The following OR5D3 variants were observed in gnomAD, a reference collection of about 807,000 sequenced individuals.
OR5D3 encodes the protein olfactory receptor 5D3.
chr11:55,727,176 A>G, the OR5D3 span: 5 of 398,330 alleles, frequency 1.3e-5, no homozygotes, highest in Admixed American at 4.4e-5. Context: ...AATATTAATT[A>G]TTTATCCTTG....
the OR5D3 span, chr11:55,728,693 A>G: frequency 6.6e-6 from 1 of 152,110 alleles, no homozygotes; most frequent in Non-Finnish European, 1.5e-5. Flanking sequence ...ATAAAAATTC[A>G]ATAACTTTTT....
the OR5D3 span, chr11:55,727,911 C>T: frequency 6.6e-5 from 10 of 151,924 alleles, no homozygotes; most frequent in African/African-American, 1.9e-4. Context: ...AATATAACAA[C>T]CAGGATAATG....
At chr11:55,725,569 C>A in the OR5D3 span, among the ~76,000 whole-genome samples, 1 of 152,004 alleles carries the variant, frequency 6.6e-6, no homozygotes, top group East Asian at 1.9e-4. Context: ...TATTTTGTTG[C>A]AATAATCTTC....
At chr11:55,728,501 T>A in the OR5D3 span, 8 of 152,236 alleles carry the variant, frequency 5.3e-5, no homozygotes, top group African/African-American at 1.9e-4. Context: ...TTGAAATAAT[T>A]TGATTGCCTT....
At chr11:55,724,250 T>C in the OR5D3 span, among the ~76,000 whole-genome samples, 83 of 152,098 alleles carry the variant, frequency 5.5e-4, no homozygotes, top group South Asian at 9.7e-3. Context: ...GATTTTCTCA[T>C]TCGGCTCCCA....
chr11:55,727,231 TATG>T, the OR5D3 span: 1 of 397,098 alleles, frequency 2.5e-6, no homozygotes, highest in Non-Finnish European at 4.4e-6. Context: ...TGCATGAAAT[TATG>T]ATAACCCTCC....
chr11:55,725,021 T>C, the OR5D3 span, among the ~76,000 whole-genome samples: 1 of 152,040 alleles, frequency 6.6e-6, no homozygotes, highest in Non-Finnish European at 1.5e-5. Context: ...TTTTGTGGGT[T>C]CAGGAAACTG....
chr11:55,726,608 A>G, the OR5D3 span: 2 of 402,552 alleles, frequency 5.0e-6, no homozygotes, highest in Non-Finnish European at 8.8e-6. Flanking sequence ...CCTCTGCTTT[A>G]CACAGTTGCA....
At chr11:55,724,687 A>G in the OR5D3 span, among the ~76,000 whole-genome samples, 1,378 of 152,206 alleles carry the variant, frequency 9.1e-3, 36 homozygotes, top group African/African-American at 0.032. Context: ...AATAAAAAAC[A>G]TTTGGAATTG....
At chr11:55,724,786 G>A in the OR5D3 span, among the ~76,000 whole-genome samples, 1 of 151,992 alleles carries the variant, frequency 6.6e-6, no homozygotes, top group African/African-American at 2.4e-5. Context: ...GAGAGTGACT[G>A]GGAAATACAG....
the OR5D3 span, among the ~76,000 whole-genome samples, chr11:55,724,717 G>A: frequency 6.6e-6 from 1 of 152,038 alleles, no homozygotes. Flanking sequence ...TTGGCTCTCA[G>A]GTTAAAGTGA....
At chr11:55,728,835 G>T in the OR5D3 span, 2 of 151,988 alleles carry the variant, frequency 1.3e-5, no homozygotes, top group African/African-American at 2.4e-5. Flanking sequence ...TGTAGATAAT[G>T]AGTCATAATT....
the OR5D3 span, among the ~76,000 whole-genome samples, chr11:55,725,912 A>C: frequency 6.6e-6 from 1 of 152,112 alleles, no homozygotes; most frequent in Non-Finnish European, 1.5e-5. Flanking sequence ...ATGCAAACTT[A>C]GAGTGGCTCT....
chr11:55,725,794 T>C, the OR5D3 span, among the ~76,000 whole-genome samples: 2 of 152,146 alleles, frequency 1.3e-5, no homozygotes, highest in East Asian at 3.9e-4. Context: ...TACAATTTGT[T>C]AAGAGTTGTA....
At chr11:55,724,665 C>T in the OR5D3 span, among the ~76,000 whole-genome samples, 6 of 152,056 alleles carry the variant, frequency 3.9e-5, no homozygotes, top group South Asian at 1.0e-3. Context: ...ATGCAGTTTT[C>T]ATGCATTCAT....
At chr11:55,726,588 A>G in the OR5D3 span, 2 of 404,482 alleles carry the variant, frequency 4.9e-6, no homozygotes, top group South Asian at 2.5e-4. Flanking sequence ...GATTTGTGGC[A>G]GTGTGTAACC....
chr11:55,726,470 T>A, the OR5D3 span: 82 of 458,704 alleles, frequency 1.8e-4, no homozygotes, highest in Non-Finnish European at 2.5e-4. Context: ...GAGAACTTGG[T>A]TGTGGAAGAC....
the OR5D3 span, chr11:55,728,747 G>A: frequency 1.3e-5 from 2 of 149,708 alleles, no homozygotes; most frequent in South Asian, 4.4e-4. Flanking sequence ...GCAACTTACT[G>A]TTTAGGAATA....
the OR5D3 span, among the ~76,000 whole-genome samples, chr11:55,724,292 G>A: frequency 1.3e-5 from 2 of 151,850 alleles, no homozygotes; most frequent in African/African-American, 2.4e-5. Flanking sequence ...CAATACTTTG[G>A]CAGATAAAGA....
Sources: gnomAD v4.1 joint callset for allele counts (sites outside exome capture counted in the v4.1 genomes callset) on GRCh38, gnomAD v4.1.1 for gene constraint, MANE v1.5 for transcripts, NCBI Gene and HGNC (gene_info 2026-07-23, HGNC 2026-07-21) for gene names.